The following AUTS2 variants were observed in gnomAD, a reference collection of about 807,000 sequenced individuals.
The protein encoded by AUTS2 is autism susceptibility gene 2 protein.
Under a neutral mutation model 112.4 loss-of-function variants are expected in AUTS2, and 17 were observed. The observed-to-expected ratio is 0.15, with a 90% CI of 0.10 to 0.23. The LOEUF is 0.23. Among genes scored for constraint, AUTS2 ranks in the 10% least tolerant of loss-of-function variants. The probability of loss-of-function intolerance (pLI) is 1.00; values close to 1 mark genes in which losing one functional copy is unlikely to be tolerated. For missense variants in AUTS2, 1,510 were observed against 1,701.6 expected (o/e 0.89, Z 1.98); for synonymous variants, 751 against 702.7 (o/e 1.07, Z -1.09).
intron 2 of AUTS2, among the ~76,000 whole-genome samples, chr7:70,067,567 C>T (rs1802552002): frequency 6.6e-6 from 1 of 152,052 alleles, no homozygotes; most frequent in Admixed American, 6.6e-5. Context: ...AACTTCAGGC[C>T]AGGCTTGGTG....
At chr7:70,144,954 G>A (rs57077672) in intron 4 of AUTS2, among the ~76,000 whole-genome samples, 6,834 of 152,048 alleles carry the variant, frequency 0.045, 189 homozygotes, top group East Asian at 0.12. Context: ...GGTATACTTA[G>A]TATACTTGGC....
chr7:70,786,955 T>C (rs1791536794), intron 17 of AUTS2: 2 of 569,980 alleles, frequency 3.5e-6, no homozygotes, highest in Non-Finnish European at 6.2e-6. Context: ...TTGGTCCCTT[T>C]TCCTTTTTAA....
At chr7:70,518,482 A>C (rs1300340556) in intron 5 of AUTS2, among the ~76,000 whole-genome samples, 1 of 152,068 alleles carries the variant, frequency 6.6e-6, no homozygotes, top group Non-Finnish European at 1.5e-5. Flanking sequence ...GGAGATCAAG[A>C]CCATCCTGGC....
At chr7:69,735,567 G>T (rs961953165) in intron 1 of AUTS2, among the ~76,000 whole-genome samples, 6 of 152,094 alleles carry the variant, frequency 3.9e-5, no homozygotes, top group African/African-American at 1.4e-4. Flanking sequence ...AAAAGAATGG[G>T]GCTACTTAGG....
intron 1 of AUTS2, among the ~76,000 whole-genome samples, chr7:69,770,926 G>A (rs368581638): frequency 1.3e-5 from 2 of 152,074 alleles, no homozygotes; most frequent in East Asian, 3.8e-4. Flanking sequence ...TTTCACATAA[G>A]GCAGAACAGG....
chr7:70,110,088 G>A (rs941890484), intron 2 of AUTS2, among the ~76,000 whole-genome samples: 13 of 152,198 alleles, frequency 8.5e-5, no homozygotes, highest in African/African-American at 3.1e-4. Flanking sequence ...ACATTGTTAA[G>A]TTCTGCTGTC....
At chr7:70,340,809 C>T (rs1484237017) in intron 4 of AUTS2, among the ~76,000 whole-genome samples, 2 of 152,224 alleles carry the variant, frequency 1.3e-5, no homozygotes, top group Admixed American at 6.5e-5. Flanking sequence ...CACATCATTT[C>T]GCAGCATGCA....
At chr7:69,732,056 A>G (rs1259034688) in intron 1 of AUTS2, among the ~76,000 whole-genome samples, 2 of 151,582 alleles carry the variant, frequency 1.3e-5, no homozygotes, top group African/African-American at 4.9e-5. Flanking sequence ...TAGATGCTGT[A>G]AGGTTGGAGG....
At chr7:69,742,030 G>T (rs780078376) in intron 1 of AUTS2, among the ~76,000 whole-genome samples, 1 of 151,752 alleles carries the variant, frequency 6.6e-6, no homozygotes, top group Non-Finnish European at 1.5e-5. Context: ...TGAATTCCTG[G>T]GCTAAAGTGA....
At chr7:70,087,226 T>C (rs1803653163) in intron 2 of AUTS2, among the ~76,000 whole-genome samples, 1 of 151,006 alleles carries the variant, frequency 6.6e-6, no homozygotes. Flanking sequence ...ATTGAAATAC[T>C]CATTTTTTTA....
chr7:70,056,059 C>G (rs1801979366), intron 2 of AUTS2, among the ~76,000 whole-genome samples: 1 of 152,082 alleles, frequency 6.6e-6, no homozygotes, highest in South Asian at 2.1e-4. Flanking sequence ...GTCATCTTGG[C>G]TCACTGCAAC....
At chr7:70,146,535 A>T (rs928715368) in intron 4 of AUTS2, among the ~76,000 whole-genome samples, 4 of 152,096 alleles carry the variant, frequency 2.6e-5, no homozygotes, top group Non-Finnish European at 4.4e-5. Context: ...AAGCAATGGA[A>T]TTACTTACAT....
At chr7:69,899,611 A>T in intron 2 of AUTS2, 113 bp downstream of exon 2, 1 of 989,082 alleles carries the variant, frequency 1.0e-6, no homozygotes, top group Non-Finnish European at 1.5e-6. Context: ...TGGGATGCTG[A>T]AGTGGTTGTC....
chr7:70,161,063 T>C (rs556865306), intron 4 of AUTS2, among the ~76,000 whole-genome samples: 1 of 152,350 alleles, frequency 6.6e-6, no homozygotes, highest in South Asian at 2.1e-4. Flanking sequence ...ATTAGGCAGT[T>C]ATTTTGCTTT....
intron 5 of AUTS2, among the ~76,000 whole-genome samples, chr7:70,587,560 G>GT (rs1585338727): frequency 6.6e-6 from 1 of 152,326 alleles, no homozygotes; most frequent in East Asian, 1.9e-4. Flanking sequence ...TATACAGCAA[G>GT]TGATTCCTGT....
At chr7:69,935,169 C>T (rs2129544345) in intron 2 of AUTS2, among the ~76,000 whole-genome samples, 1 of 129,228 alleles carries the variant, frequency 7.7e-6, no homozygotes, top group East Asian at 2.2e-4. Flanking sequence ...GTATAAAGGA[C>T]TCTGGGAAAA....
chr7:69,604,382 A>G (rs1009498620), intron 1 of AUTS2, among the ~76,000 whole-genome samples: 2 of 152,282 alleles, frequency 1.3e-5, no homozygotes, highest in African/African-American at 4.8e-5. Flanking sequence ...CACTAAGAAT[A>G]TAGAGAAACC....
chr7:70,236,366 C>G (rs1196102705), intron 4 of AUTS2, among the ~76,000 whole-genome samples: 1 of 152,118 alleles, frequency 6.6e-6, no homozygotes, highest in Admixed American at 6.5e-5. Context: ...ATGGCATGTA[C>G]AGTTTCATTG....
At chr7:69,737,412 C>T (rs1787080478) in intron 1 of AUTS2, among the ~76,000 whole-genome samples, 1 of 152,140 alleles carries the variant, frequency 6.6e-6, no homozygotes, top group African/African-American at 2.4e-5. Flanking sequence ...ATAACTTGCT[C>T]AAGGCCACCT....
Sources: gnomAD v4.1 joint callset for allele counts (sites outside exome capture counted in the v4.1 genomes callset) on GRCh38, gnomAD v4.1.1 for gene constraint, MANE v1.5 for transcripts, NCBI Gene and HGNC (gene_info 2026-07-23, HGNC 2026-07-21) for gene names.